Variants in RPTOR observed in about 807,000 individuals in gnomAD.
RPTOR encodes regulatory-associated protein of mTOR.
A neutral mutation model predicts 169.9 loss-of-function variants in RPTOR; 21 were observed. The ratio of observed to expected loss-of-function variants is 0.12; its 90% CI spans 0.09 to 0.18. The LOEUF is 0.18. RPTOR is among the 10% of genes least tolerant of loss of function. The pLI, the probability that RPTOR is intolerant of heterozygous loss-of-function variation, is 1.00. For synonymous variants in RPTOR, 732 were observed against 753.2 expected, an observed-to-expected ratio of 0.97 and a Z score of 0.46; for missense variants, 1,133 against 1,855.9, an observed-to-expected ratio of 0.61 and a Z score of 7.16.
At chr17:80,647,513 C>T (rs568220885) in intron 3 of RPTOR, among the ~76,000 whole-genome samples, 5 of 152,290 alleles carry the variant, frequency 3.3e-5, no homozygotes, top group South Asian at 4.1e-4. Context: ...GGAGGGGCCT[C>T]GCTCTCTGTG....
intron 1 of RPTOR, among the ~76,000 whole-genome samples, chr17:80,587,514 A>T (rs1369433159): frequency 6.6e-6 from 1 of 152,138 alleles, no homozygotes; most frequent in East Asian, 1.9e-4. Flanking sequence ...GTTGCCTAGG[A>T]GTGGAATTGC....
chr17:80,747,371 G>A (rs7213696), intron 5 of RPTOR, among the ~76,000 whole-genome samples: 80,164 of 152,042 alleles, frequency 0.53, 22,156 homozygotes, highest in African/African-American at 0.69. Context: ...CCAGGTGAGT[G>A]GAGCACTGTC....
At chr17:80,901,864 C>A (rs2068480856) in intron 20 of RPTOR, among the ~76,000 whole-genome samples, 1 of 152,064 alleles carries the variant, frequency 6.6e-6, no homozygotes, top group African/African-American at 2.4e-5. Context: ...ATTCTTACAC[C>A]CTCAGTCACG....
intron 6 of RPTOR, among the ~76,000 whole-genome samples, chr17:80,771,843 G>A (rs4969256): frequency 0.29 from 43,439 of 152,082 alleles, 7,420 homozygotes; most frequent in East Asian, 0.52. Flanking sequence ...TGACGTGCCC[G>A]TCTTCTCGCT....
intron 6 of RPTOR, among the ~76,000 whole-genome samples, chr17:80,776,730 C>A (rs150819535): frequency 2.1e-3 from 317 of 152,290 alleles, no homozygotes; most frequent in Non-Finnish European, 2.6e-3. Context: ...AGAAAATGTT[C>A]CTTACTTTGC....
intron 1 of RPTOR, among the ~76,000 whole-genome samples, chr17:80,572,002 C>T (rs1215668696): frequency 6.6e-6 from 1 of 152,192 alleles, no homozygotes; most frequent in African/African-American, 2.4e-5. Flanking sequence ...AAATCAGGTG[C>T]TTGAATATAT....
At chr17:80,884,100 G>C in intron 16 of RPTOR, 128 bp downstream of exon 16, 1 of 894,538 alleles carries the variant, frequency 1.1e-6, no homozygotes. Flanking sequence ...ACGCTAATAA[G>C]AGTAGGACAG....
intron 7 of RPTOR, among the ~76,000 whole-genome samples, chr17:80,795,192 AG>A (rs964928296): frequency 7.2e-4 from 110 of 152,354 alleles, no homozygotes; most frequent in African/African-American, 2.3e-3. Context: ...AGGGAAACAG[AG>A]ACCTGGATTT....
intron 9 of RPTOR, among the ~76,000 whole-genome samples, chr17:80,834,105 T>C (rs1029044838): frequency 4.6e-5 from 7 of 152,090 alleles, no homozygotes; most frequent in Non-Finnish European, 4.4e-5. Context: ...CGAGAGGGCC[T>C]CTGGCTTGCT....
At chr17:80,711,454 C>T (rs775671241) in intron 4 of RPTOR, among the ~76,000 whole-genome samples, 5 of 152,084 alleles carry the variant, frequency 3.3e-5, no homozygotes, top group Admixed American at 6.6e-5. Context: ...ACCACATTAC[C>T]GTCAAATTGC....
intron 2 of RPTOR, among the ~76,000 whole-genome samples, chr17:80,634,843 G>A (rs541997874): frequency 0.025 from 3,153 of 124,940 alleles, 216 homozygotes; most frequent in African/African-American, 0.095. Flanking sequence ...TGTGCATACC[G>A]TGTGTGTGCA....
At chr17:80,922,098 G>C (rs978644146) in intron 21 of RPTOR, among the ~76,000 whole-genome samples, 8 of 152,236 alleles carry the variant, frequency 5.3e-5, no homozygotes, top group Non-Finnish European at 7.3e-5. Context: ...GCACACGGGG[G>C]TGTAAACAGT....
At chr17:80,913,135 G>A (rs1392158606) in intron 21 of RPTOR, among the ~76,000 whole-genome samples, 2 of 152,140 alleles carry the variant, frequency 1.3e-5, no homozygotes, top group Non-Finnish European at 2.9e-5. Context: ...TTCAAGAAAT[G>A]CCTTATTTTC....
At chr17:80,768,856 C>T (rs891183341) in intron 6 of RPTOR, among the ~76,000 whole-genome samples, 1 of 152,090 alleles carries the variant, frequency 6.6e-6, no homozygotes, top group Non-Finnish European at 1.5e-5. Context: ...TAATCAGTGA[C>T]GTTAGGTCAC....
intron 1 of RPTOR, among the ~76,000 whole-genome samples, chr17:80,586,132 C>T (rs560099185): frequency 1.2e-3 from 182 of 152,156 alleles, no homozygotes; most frequent in African/African-American, 4.0e-3. Flanking sequence ...ATCAATCCCC[C>T]GTTTCTGGCA....
At chr17:80,894,668 T>C (rs2068375948) in intron 20 of RPTOR, among the ~76,000 whole-genome samples, 2 of 152,362 alleles carry the variant, frequency 1.3e-5, no homozygotes, top group Admixed American at 1.3e-4. Context: ...TTGTTCTGAC[T>C]ATCCAGAGTG....
At chr17:80,764,162 TTTATTTTATTTTA>T (rs1567899665) in intron 6 of RPTOR, among the ~76,000 whole-genome samples, 1 of 128,914 alleles carries the variant, frequency 7.8e-6, no homozygotes, top group African/African-American at 3.1e-5. Flanking sequence ...TTTATTTTAT[TTTATTTTATTTTA>T]TTATTATACT....
intron 9 of RPTOR, among the ~76,000 whole-genome samples, chr17:80,830,877 A>C (rs1234798965): frequency 6.6e-6 from 1 of 151,980 alleles, no homozygotes; most frequent in Admixed American, 6.6e-5. Flanking sequence ...CAGACCCCCA[A>C]GTAGCTGGGA....
At chr17:80,867,144 T>A (rs7210951) in intron 13 of RPTOR, among the ~76,000 whole-genome samples, 85,974 of 151,948 alleles carry the variant, frequency 0.57, 25,289 homozygotes, top group African/African-American at 0.74. Flanking sequence ...TCAATGCTAT[T>A]TAAAAACAAA....
Sources: allele counts gnomAD v4.1 joint callset (sites outside exome capture counted in the v4.1 genomes callset), GRCh38; gene constraint gnomAD v4.1.1; transcripts MANE v1.5; gene names NCBI Gene and HGNC (gene_info 2026-07-23, HGNC 2026-07-21).